SLIT3: variants seen among roughly 807,000 people sequenced by gnomAD.
SLIT3 encodes slit homolog 3 protein.
Under a neutral mutation model 184.0 loss-of-function variants are expected in SLIT3, and 68 were observed. The observed-to-expected ratio is 0.37, with a 90% CI of 0.30 to 0.45. The LOEUF (loss-of-function observed/expected upper bound fraction) is 0.45, where lower values mean the gene tolerates loss of function less well. SLIT3 is among the 20% of genes least tolerant of loss of function. SLIT3 has a pLI of 1.00. For missense variants in SLIT3, 1,707 were observed against 2,026.0 expected (o/e 0.84, Z 3.02); for synonymous variants, 831 against 828.6 (o/e 1.00, Z -0.05).
intron 20 of SLIT3, among the ~76,000 whole-genome samples, chr5:168,745,701 G>A (rs562813982): frequency 1.3e-5 from 2 of 152,134 alleles, no homozygotes; most frequent in Non-Finnish European, 2.9e-5. Context: ...CGTGAGCCAC[G>A]GCACCTGACC....
chr5:169,062,387 C>T (rs1272796394), intron 4 of SLIT3, among the ~76,000 whole-genome samples: 1 of 152,154 alleles, frequency 6.6e-6, no homozygotes, highest in Non-Finnish European at 1.5e-5. Context: ...AGGAATAGAC[C>T]TGGTAACGAC....
intron 23 of SLIT3, among the ~76,000 whole-genome samples, chr5:168,713,646 C>G (rs763997657): frequency 6.6e-6 from 1 of 152,164 alleles, no homozygotes. Flanking sequence ...GGAATAATAA[C>G]GAATGAATTT....
intron 4 of SLIT3, among the ~76,000 whole-genome samples, chr5:169,177,238 C>T (rs1763014018): frequency 6.6e-6 from 1 of 152,160 alleles, no homozygotes; most frequent in African/African-American, 2.4e-5. Flanking sequence ...AAGTAATTTA[C>T]AACAGGGAAG....
intron 6 of SLIT3, among the ~76,000 whole-genome samples, chr5:168,839,629 T>C (rs1758174345): frequency 6.6e-6 from 1 of 152,220 alleles, no homozygotes; most frequent in Non-Finnish European, 1.5e-5. Context: ...GTGTGTGGTC[T>C]AGTTTGTAGC....
At chr5:168,853,440 G>A (rs150905678) in intron 5 of SLIT3, among the ~76,000 whole-genome samples, 4 of 152,262 alleles carry the variant, frequency 2.6e-5, no homozygotes, top group African/African-American at 4.8e-5. Flanking sequence ...TGGCATATAA[G>A]TTCTTAATCT....
chr5:168,731,314 G>T (rs140387656), intron 20 of SLIT3, among the ~76,000 whole-genome samples: 31 of 151,692 alleles, frequency 2.0e-4, no homozygotes, highest in Non-Finnish European at 3.7e-4. Flanking sequence ...CCCCTAAACT[G>T]CCACCAAAAA....
At chr5:168,985,001 A>G (rs945551372) in intron 4 of SLIT3, among the ~76,000 whole-genome samples, 4 of 152,234 alleles carry the variant, frequency 2.6e-5, no homozygotes, top group African/African-American at 4.8e-5. Flanking sequence ...AAATGCTAAG[A>G]GGAAAGCAAC....
chr5:168,926,591 G>A (rs1001509610), intron 4 of SLIT3, among the ~76,000 whole-genome samples: 7 of 152,112 alleles, frequency 4.6e-5, no homozygotes, highest in African/African-American at 1.4e-4. Flanking sequence ...GGATCTAACC[G>A]TGTTAAAGCC....
chr5:169,089,284 T>C (rs1010067604), intron 4 of SLIT3, among the ~76,000 whole-genome samples: 2 of 152,084 alleles, frequency 1.3e-5, no homozygotes, highest in Non-Finnish European at 2.9e-5. Context: ...ACAGGTCTCT[T>C]TGTGCTGGAA....
Position 168,915,046 on chromosome 5 carries a change from A to G in SLIT3, c.414-31710T>C, listed in dbSNP as rs557326995. ...CTAAATGTGAAAGCAGGCAATACGT[A>G]ATCTGTCAAAAGAGGTAGCTTTTAC... On this transcript the variant is annotated intron_variant, in intron 4 of 35. Coordinates refer to ENST00000519560, the MANE Select transcript of SLIT3 (RefSeq NM_003062.4). Among the ~76,000 whole-genome samples, 3 of 152,334 alleles carry G rather than the reference A, an allele frequency of 2.0e-5. No individual in the cohort carries two copies. The South Asian group carries it at 6.2e-4, about 32-fold the overall frequency.
intron 4 of SLIT3, among the ~76,000 whole-genome samples, chr5:169,167,427 A>T (rs919880021): frequency 2.0e-5 from 3 of 150,568 alleles, no homozygotes; most frequent in Non-Finnish European, 4.4e-5. Context: ...GGTGCCCACC[A>T]CCACACCTGG....
At chr5:169,201,204 G>A (rs947407016) in intron 3 of SLIT3, among the ~76,000 whole-genome samples, 1 of 152,094 alleles carries the variant, frequency 6.6e-6, no homozygotes, top group Non-Finnish European at 1.5e-5. Flanking sequence ...TTTTTAGTTT[G>A]TAAGTTCTGA....
At chr5:168,837,674 G>C (rs1253841390) in intron 6 of SLIT3, among the ~76,000 whole-genome samples, 1 of 152,182 alleles carries the variant, frequency 6.6e-6, no homozygotes, top group Non-Finnish European at 1.5e-5. Flanking sequence ...CGGCCACTTA[G>C]TACGTGCCAG....
chr5:169,172,038 C>T (rs535942623), intron 4 of SLIT3, among the ~76,000 whole-genome samples: 18 of 152,216 alleles, frequency 1.2e-4, no homozygotes, highest in African/African-American at 4.3e-4. Flanking sequence ...TCAGAGGAAG[C>T]TTTGGGAAGG....
chr5:168,988,188 G>C lies in SLIT3; in HGVS notation c.414-104852C>G, dbSNP rs111930107. Among the ~76,000 whole-genome samples, 705 of 152,298 alleles carry C rather than the reference G, an allele frequency of 4.6e-3. 8 individuals are homozygous for C. Among genetic ancestry groups the C allele is most frequent in the African/African-American group, 0.016 (670 of 41,560 alleles). ...TCTGAGACTTTCTGGGTTTTAAAAC[G>C]GGAAGCCCTGTGTCCTGGAAAATCC... is the stretch of plus-strand genomic sequence containing the variant. On this transcript the variant is annotated intron_variant, in intron 4 of 35. Coordinates refer to ENST00000519560, the MANE Select transcript of SLIT3 (RefSeq NM_003062.4).
intron 1 of SLIT3, among the ~76,000 whole-genome samples, chr5:169,289,986 CACACTAGGGCAT>C (rs1247088775): frequency 2.0e-5 from 3 of 151,100 alleles, no homozygotes; most frequent in East Asian, 3.9e-4. Flanking sequence ...TGCTAGGGCA[CACACTAGGGCAT>C]ACACTAGGGC....
intron 20 of SLIT3, among the ~76,000 whole-genome samples, chr5:168,725,778 C>G (rs190356238): frequency 6.6e-6 from 1 of 152,188 alleles, no homozygotes; most frequent in African/African-American, 2.4e-5. Context: ...TAATAAGGTG[C>G]TAGCACACTA....
In SLIT3 at chr5:168,701,721, G is replaced by A. The variant is rs150477972; in HGVS notation, c.2845-1042C>T. 5.5e-3 allele frequency among the ~76,000 whole-genome samples: 837 copies of A among 152,338 alleles called. 9 individuals carry two copies. Among genetic ancestry groups the A allele is most frequent in the Non-Finnish European group, 6.1e-3 (413 of 68,026 alleles). ...GGAGTCCCTTACAGGACCTGGTAGC[G>A]TGGGGCCTGGGGAGGTGACTGCTGC... On this transcript the variant is annotated intron_variant, in intron 26 of 35. Coordinates refer to ENST00000519560, the MANE Select transcript of SLIT3 (RefSeq NM_003062.4).
chr5:169,232,695 C>A (rs1423868867), intron 3 of SLIT3, among the ~76,000 whole-genome samples: 3 of 152,164 alleles, frequency 2.0e-5, no homozygotes, highest in African/African-American at 7.2e-5. Flanking sequence ...CTCACAGAGC[C>A]ACCTTTGTTA....
Sources: allele counts gnomAD v4.1 joint callset (sites outside exome capture counted in the v4.1 genomes callset), GRCh38; gene constraint gnomAD v4.1.1; transcripts MANE v1.5; gene names NCBI Gene and HGNC (gene_info 2026-07-23, HGNC 2026-07-21).